Variants in PLS3 observed in about 807,000 individuals in gnomAD.
The protein encoded by PLS3 is plastin 3.
In PLS3, 11 loss-of-function variants were observed where a neutral mutation model predicts 46.5. That is an observed-to-expected ratio of 0.24 (90% CI 0.15 to 0.39). The LOEUF (loss-of-function observed/expected upper bound fraction) is 0.39. Among genes scored for constraint, PLS3 ranks in the 10% least tolerant of loss-of-function variants. The probability of loss-of-function intolerance (pLI) is 1.00; values close to 1 mark genes in which losing one functional copy is unlikely to be tolerated. For synonymous variants in PLS3, 167 were observed against 162.2 expected (o/e 1.03, Z -0.22); for missense variants, 308 against 461.8 (o/e 0.67, Z 3.05).
At chrX:115,571,637 C>T (rs1403797181) in intron 1 of PLS3, among the ~76,000 whole-genome samples, 11 of 111,513 alleles carry the variant, frequency 9.9e-5, no homozygotes, top group Admixed American at 2.9e-4. Context: ...TTACAGACAC[C>T]GTTATAAACT....
At chrX:115,637,078 C>T in intron 8 of PLS3, 100 bp downstream of exon 8, 3 of 820,654 alleles carry the variant, frequency 3.7e-6, no homozygotes, top group Non-Finnish European at 5.2e-6. Flanking sequence ...TATCACCAAG[C>T]CTTGTTGTCT....
chrX:115,606,297 C>T (rs1359595946), intron 1 of PLS3, among the ~76,000 whole-genome samples: 2 of 105,517 alleles, frequency 1.9e-5, no homozygotes, highest in Admixed American at 1.0e-4. Context: ...ACCACCACTC[C>T]TGGATAAGTT....
chrX:115,599,163 C>T (rs1198647036), intron 1 of PLS3, among the ~76,000 whole-genome samples: 7 of 109,315 alleles, frequency 6.4e-5, no homozygotes, highest in Admixed American at 2.0e-4. Flanking sequence ...GACCTTCTCT[C>T]TGCAAAGCAA....
In PLS3 at chrX:115,631,486, C is replaced by T. The variant is rs781968255; in HGVS notation, c.500+1519C>T. 3.6e-5 allele frequency among the ~76,000 whole-genome samples: 4 copies of T among 110,991 alleles called. No homozygotes were observed. In the Admixed American group the frequency reaches 3.9e-4, roughly 11 times the overall value. On this transcript the variant is annotated intron_variant, in intron 5 of 15. Transcript: ENST00000355899. ...GCTGGTCATGGTGGCTCACGCCCAGCCCTTTGGGAGGCAGAGGCAGCAAGA... is the reference window on the plus strand; with the variant it reads ...GCTGGTCATGGTGGCTCACGCCCAGTCCTTTGGGAGGCAGAGGCAGCAAGA...
At chrX:115,598,322 A>C (rs1342959649) in intron 1 of PLS3, among the ~76,000 whole-genome samples, 2 of 109,080 alleles carry the variant, frequency 1.8e-5, no homozygotes, top group Non-Finnish European at 3.8e-5. Context: ...GAAGGAGAAG[A>C]AGCAATTTTT....
At chrX:115,603,799 T>G (rs782769545) in intron 1 of PLS3, among the ~76,000 whole-genome samples, 2 of 111,454 alleles carry the variant, frequency 1.8e-5, no homozygotes, top group Non-Finnish European at 1.9e-5. Flanking sequence ...TCCACTTTTG[T>G]GGGAAGACAG....
At position 115,643,867 on chromosome X, in the gene PLS3, G is replaced by A. The variant is rs186384995; in HGVS notation, c.1183+359G>A. Among the ~76,000 whole-genome samples, 44 of 111,530 alleles carry A rather than the reference G, an allele frequency of 3.9e-4. 3 individuals carry two copies. In the East Asian group the frequency reaches 5.7e-3, roughly 14 times the overall value. ...CATGCCTGTAATCCCAGCTACTCGG[G>A]AGGCTGAGGCAGGAGAATCACTTGA... On this transcript the variant is annotated intron_variant, in intron 10 of 15. Transcript: ENST00000355899.
chrX:115,589,367 A>T (rs781836851), intron 1 of PLS3, among the ~76,000 whole-genome samples: 2 of 112,043 alleles, frequency 1.8e-5, no homozygotes, highest in East Asian at 5.6e-4. Flanking sequence ...TGACACATCC[A>T]TGCAACAAGT....
chrX:115,566,343 A>T (rs1556630087), intron 1 of PLS3, among the ~76,000 whole-genome samples: 1 of 90,162 alleles, frequency 1.1e-5, no homozygotes, highest in African/African-American at 3.9e-5. Flanking sequence ...AATAGAATAA[A>T]AACCTACATG....
At chrX:115,589,804 CCT>C (rs782805663) in intron 1 of PLS3, among the ~76,000 whole-genome samples, 3 of 112,006 alleles carry the variant, frequency 2.7e-5, no homozygotes, top group African/African-American at 6.5e-5. Context: ...TCGGGTTGTA[CCT>C]CTTTTTTCCA....
chrX:115,561,809 A>AG (rs1261604723), intron 1 of PLS3, among the ~76,000 whole-genome samples: 1 of 110,550 alleles, frequency 9.0e-6, no homozygotes, highest in African/African-American at 3.3e-5. Flanking sequence ...GGCTCTGGAG[A>AG]GGGGGGGCCG....
intron 1 of PLS3, among the ~76,000 whole-genome samples, chrX:115,583,479 G>T (rs2074290547): frequency 8.9e-6 from 1 of 112,687 alleles, no homozygotes; most frequent in African/African-American, 3.2e-5. Context: ...TAAACAGCGA[G>T]TCAACTATTT....
intron 1 of PLS3, among the ~76,000 whole-genome samples, chrX:115,570,895 T>C: frequency 1.5e-5 from 1 of 66,905 alleles, no homozygotes; most frequent in South Asian, 5.8e-4. Flanking sequence ...TAATTTATTC[T>C]TTTTTTTTTT....
intron 6 of PLS3, among the ~76,000 whole-genome samples, chrX:115,634,665 G>A (rs1435275872): frequency 1.8e-5 from 2 of 112,278 alleles, no homozygotes; most frequent in African/African-American, 3.2e-5. Context: ...CTTCTCATGA[G>A]ATTCTGCAAA....
At chrX:115,571,962 G>A (rs782390337) in intron 1 of PLS3, among the ~76,000 whole-genome samples, 10 of 111,979 alleles carry the variant, frequency 8.9e-5, no homozygotes, top group African/African-American at 2.9e-4. Flanking sequence ...CAGTTTGTGG[G>A]TCTCCATTGT....
chrX:115,610,778 T>G lies in PLS3; in HGVS notation c.73+455T>G, dbSNP rs1406171737. The G allele has an allele frequency of 1.3e-5, 9 of 702,177 alleles. No individual in the cohort carries two copies. The Admixed American group carries it at 4.4e-4, about 34-fold the overall frequency. The allele number at this position is 702,177 out of a possible 1,213,427, so 57.9% of individuals were successfully genotyped here. On this transcript the variant is annotated intron_variant, in intron 2 of 15. Transcript: ENST00000355899. ...TTGGCGTTATTGACTTTTTTATGGG[T>G]TTTCTGTGCCTTTGGTTACTGCAGA...
intron 9 of PLS3, among the ~76,000 whole-genome samples, chrX:115,641,873 C>A (rs928826471): frequency 9.1e-6 from 1 of 109,866 alleles, no homozygotes; most frequent in African/African-American, 3.3e-5. Flanking sequence ...GCTTGGCACT[C>A]ACCCTACAAA....
At chrX:115,610,932 AG>A in intron 2 of PLS3, 2 of 868,722 alleles carry the variant, frequency 2.3e-6, no homozygotes, top group Non-Finnish European at 3.3e-6. Flanking sequence ...GTAAATATGG[AG>A]TATTTACATT....
At chrX:115,648,805 A>T (rs1262398867) in intron 15 of PLS3, among the ~76,000 whole-genome samples, 1 of 112,161 alleles carries the variant, frequency 8.9e-6, no homozygotes, top group Non-Finnish European at 1.9e-5. Flanking sequence ...AAACTCGATG[A>T]TTTAATTATC....
Sources: gnomAD v4.1 joint callset for allele counts (sites outside exome capture counted in the v4.1 genomes callset) on GRCh38, gnomAD v4.1.1 for gene constraint, MANE v1.5 for transcripts, NCBI Gene and HGNC (gene_info 2026-07-23, HGNC 2026-07-21) for gene names.